MTCH2: variants seen among roughly 807,000 people sequenced by gnomAD.
MTCH2 encodes the protein mitochondrial carrier 2.
A neutral mutation model predicts 50.6 loss-of-function variants in MTCH2; 25 were observed. The observed-to-expected ratio is 0.49, with a 90% CI of 0.36 to 0.69. The LOEUF (loss-of-function observed/expected upper bound fraction) is 0.69, where lower values mean the gene tolerates loss of function less well. Ranked by LOEUF, MTCH2 falls within the 30% of genes least tolerant of loss-of-function variation. The probability of loss-of-function intolerance (pLI) is 0.00; values close to 1 mark genes in which losing one functional copy is unlikely to be tolerated. For missense variants in MTCH2, 273 were observed against 384.4 expected (o/e 0.71, Z 2.42); for synonymous variants, 106 against 132.0 (o/e 0.80, Z 1.35).
chr11:47,615,032 T>C (rs1006992496), downstream of MTCH2, among the ~76,000 whole-genome samples: 1 of 2,078 alleles, frequency 4.8e-4, no homozygotes, highest in South Asian at 0.029. Context: ...CCAGTGAGGC[T>C]TTTTTTTTTT....
intron 5 of MTCH2, among the ~76,000 whole-genome samples, chr11:47,633,909 T>C (rs1357792262): frequency 6.6e-6 from 1 of 152,046 alleles, no homozygotes; most frequent in East Asian, 1.9e-4. Context: ...TAAGACAATG[T>C]GAAGACTTAA....
chr11:47,637,231 C>A (rs1462499904), intron 3 of MTCH2, among the ~76,000 whole-genome samples: 1 of 152,122 alleles, frequency 6.6e-6, no homozygotes, highest in Non-Finnish European at 1.5e-5. Context: ...CTCGGCTGAT[C>A]CACCCGCCTC....
intron 12 of MTCH2, among the ~76,000 whole-genome samples, chr11:47,621,924 C>T (rs958881914): frequency 9.9e-5 from 15 of 152,094 alleles, no homozygotes; most frequent in South Asian, 2.1e-4. Flanking sequence ...GGCTGAAGTG[C>T]GGTGATGCAA....
intron 4 of MTCH2, 36 bp from the exon 5 acceptor site, chr11:47,634,770 T>TG (rs1565973812): frequency 1.4e-4 from 48 of 340,800 alleles, no homozygotes; most frequent in Non-Finnish European, 1.9e-4. Context: ...GAGATCTTGA[T>TG]TTTTTTTTTT....
At chr11:47,625,956 A>G (rs1416926561) in intron 10 of MTCH2, among the ~76,000 whole-genome samples, 2 of 151,940 alleles carry the variant, frequency 1.3e-5, no homozygotes, top group African/African-American at 2.4e-5. Context: ...AAAAGGCCAG[A>G]AGAATTCTCT....
intron 1 of MTCH2, 104 bp downstream of exon 1, chr11:47,642,275 C>T (rs1229710583): frequency 9.3e-6 from 9 of 972,714 alleles, no homozygotes; most frequent in Admixed American, 2.8e-5. Context: ...AGCAGCATCT[C>T]GGGAGAATGA....
chr11:47,627,618 T>C (rs1257720307), intron 9 of MTCH2, among the ~76,000 whole-genome samples: 3 of 151,536 alleles, frequency 2.0e-5, no homozygotes, highest in Non-Finnish European at 4.4e-5. Flanking sequence ...GTTTGACAGC[T>C]TGAAAATTAA....
At chr11:47,609,457 C>CAAAA in the MTCH2 span, among the ~76,000 whole-genome samples, 7 of 40,130 alleles carry the variant, frequency 1.7e-4, no homozygotes, top group Admixed American at 7.2e-4. Flanking sequence ...GATTCTGTAT[C>CAAAA]AAAAAAAAAA....
At chr11:47,626,621 CT>C (rs1048130628) in intron 10 of MTCH2, among the ~76,000 whole-genome samples, 1 of 150,840 alleles carries the variant, frequency 6.6e-6, no homozygotes, top group Admixed American at 6.6e-5. Flanking sequence ...GTTATTCTCT[CT>C]TTTTTTTTGA....
At chr11:47,638,284 G>A (rs1286970112) in intron 3 of MTCH2, among the ~76,000 whole-genome samples, 7 of 148,460 alleles carry the variant, frequency 4.7e-5, no homozygotes, top group South Asian at 2.2e-4. Flanking sequence ...GAGTCCCGCC[G>A]GGCGCGGTGG....
At chr11:47,636,098 A>G (rs1333181485) in intron 3 of MTCH2, among the ~76,000 whole-genome samples, 1 of 151,948 alleles carries the variant, frequency 6.6e-6, no homozygotes, top group African/African-American at 2.4e-5. Flanking sequence ...ACTGCACTGC[A>G]GCCCAGGTGA....
At chr11:47,629,751 TA>T (rs370201913) in intron 8 of MTCH2, among the ~76,000 whole-genome samples, 1,588 of 141,098 alleles carry the variant, frequency 0.011, 15 homozygotes, top group Non-Finnish European at 0.015. Context: ...CTCTGAAAAT[TA>T]AAAAAAAAAA....
chr11:47,627,024 A>C, intron 10 of MTCH2, 56 bp downstream of exon 10: 4 of 1,384,948 alleles, frequency 2.9e-6, no homozygotes, highest in Non-Finnish European at 4.0e-6. Context: ...TTTAAAAGGA[A>C]AACAAAACAA....
At chr11:47,608,017 A>G in the MTCH2 span, among the ~76,000 whole-genome samples, 2 of 152,238 alleles carry the variant, frequency 1.3e-5, no homozygotes, top group Admixed American at 1.3e-4. Flanking sequence ...TGTGCGTGCC[A>G]TATTAGAAAT....
At chr11:47,625,806 C>T (rs1457433814) in intron 10 of MTCH2, 65 bp from the exon 11 acceptor site, 2 of 1,308,420 alleles carry the variant, frequency 1.5e-6, no homozygotes, top group South Asian at 1.2e-5. Context: ...CTTTCCTTTA[C>T]CTTAAAGGCC....
At chr11:47,642,018 G>C (rs2097314637) in intron 1 of MTCH2, among the ~76,000 whole-genome samples, 2 of 152,234 alleles carry the variant, frequency 1.3e-5, no homozygotes, top group Admixed American at 1.3e-4. Flanking sequence ...AGTGGTGAAT[G>C]TGAATTTCGG....
downstream of MTCH2, among the ~76,000 whole-genome samples, chr11:47,615,645 T>C (rs2097287964): frequency 6.6e-6 from 1 of 152,056 alleles, no homozygotes; most frequent in South Asian, 2.1e-4. Flanking sequence ...CTTTTTTTTT[T>C]TTTTGAGACA....
chr11:47,608,459 A>AAAAC, the MTCH2 span, among the ~76,000 whole-genome samples: 1 of 152,154 alleles, frequency 6.6e-6, no homozygotes, highest in African/African-American at 2.4e-5. Context: ...AGTCTTGTTT[A>AAAAC]AAACACTTGT....
chr11:47,626,588 T>A (rs2097298395), intron 10 of MTCH2, among the ~76,000 whole-genome samples: 1 of 151,960 alleles, frequency 6.6e-6, no homozygotes, highest in South Asian at 2.1e-4. Context: ...CACATGTGAG[T>A]CTGTGGTTCC....
Sources: allele counts gnomAD v4.1 joint callset (sites outside exome capture counted in the v4.1 genomes callset), GRCh38; gene constraint gnomAD v4.1.1; transcripts MANE v1.5; gene names NCBI Gene and HGNC (gene_info 2026-07-23, HGNC 2026-07-21).